CCDC191: variants seen among roughly 807,000 people sequenced by gnomAD.
CCDC191 encodes the protein coiled-coil domain-containing protein 191.
CCDC191 carries 99 observed loss-of-function variants against 114.0 expected under a neutral mutation model. The observed-to-expected ratio is 0.87, with a 90% CI of 0.74 to 1.03. The LOEUF (loss-of-function observed/expected upper bound fraction) is 1.03, where lower values mean the gene tolerates loss of function less well. Among genes scored for constraint, CCDC191 ranks in the 50% least tolerant of loss-of-function variants. CCDC191 has a pLI of 0.00. For missense variants in CCDC191, 973 were observed against 1,087.0 expected (o/e 0.90, Z 1.47); for synonymous variants, 351 against 376.0 (o/e 0.93, Z 0.77).
intron 9 of CCDC191, among the ~76,000 whole-genome samples, chr3:114,009,413 GCTT>G (rs2107677470): frequency 6.6e-6 from 1 of 152,030 alleles, no homozygotes. Flanking sequence ...TATTCCATAA[GCTT>G]TTTTTTCCTG....
chr3:114,000,838 G>A (rs1217166046), intron 13 of CCDC191, among the ~76,000 whole-genome samples: 1 of 151,434 alleles, frequency 6.6e-6, no homozygotes, highest in Non-Finnish European at 1.5e-5. Context: ...TTTTTTTATC[G>A]AGGCAGGGTC....
chr3:113,980,301 G>A (rs1039324881), intron 14 of CCDC191, among the ~76,000 whole-genome samples: 1 of 152,100 alleles, frequency 6.6e-6, no homozygotes, highest in Non-Finnish European at 1.5e-5. Flanking sequence ...TGATATTTGG[G>A]GGTTGTCTGT....
At chr3:114,030,847 A>G (rs1006205866) in intron 7 of CCDC191, among the ~76,000 whole-genome samples, 3 of 152,150 alleles carry the variant, frequency 2.0e-5, no homozygotes, top group African/African-American at 7.2e-5. Context: ...TCACGTATTT[A>G]TTCAATTAAC....
chr3:114,006,042 G>T, intron 9 of CCDC191, 80 bp from the exon 10 acceptor site: 1 of 1,300,890 alleles, frequency 7.7e-7, no homozygotes, highest in Non-Finnish European at 1.1e-6. Flanking sequence ...GGTCAGTATT[G>T]TTTTGTTTAA....
intron 13 of CCDC191, among the ~76,000 whole-genome samples, chr3:113,989,321 G>C (rs1476366921): frequency 3.3e-5 from 5 of 152,166 alleles, no homozygotes; most frequent in African/African-American, 9.7e-5. Flanking sequence ...GGCATTTCTA[G>C]AGCAGACCAA....
At chr3:114,012,282 A>T (rs182799269) in intron 8 of CCDC191, among the ~76,000 whole-genome samples, 376 of 152,220 alleles carry the variant, frequency 2.5e-3, no homozygotes, top group Middle Eastern at 6.8e-3. Context: ...ACCACAAGAG[A>T]TATACTCTGA....
intron 9 of CCDC191, among the ~76,000 whole-genome samples, chr3:114,006,536 A>G (rs2075962665): frequency 6.8e-6 from 1 of 147,902 alleles, no homozygotes; most frequent in South Asian, 2.1e-4. Context: ...ATCTTCTCTT[A>G]TAAATTTCTA....
chr3:114,000,421 T>C (rs1295317262), intron 13 of CCDC191, among the ~76,000 whole-genome samples: 2 of 152,204 alleles, frequency 1.3e-5, no homozygotes. Context: ...ACTGGGTTTC[T>C]TGGGTCTCCA....
chr3:114,027,682 T>C (rs918933363), intron 7 of CCDC191, among the ~76,000 whole-genome samples: 2 of 150,884 alleles, frequency 1.3e-5, no homozygotes, highest in African/African-American at 4.9e-5. Context: ...ACCTAAACTA[T>C]AGCAACTCCT....
intron 16 of CCDC191, among the ~76,000 whole-genome samples, chr3:113,973,535 C>A (rs1218592798): frequency 6.6e-6 from 1 of 151,184 alleles, no homozygotes; most frequent in Non-Finnish European, 1.5e-5. Context: ...CTGAGAAAAA[C>A]TTTCTCTATC....
At chr3:114,021,529 A>G (rs906531159) in intron 7 of CCDC191, among the ~76,000 whole-genome samples, 1 of 152,172 alleles carries the variant, frequency 6.6e-6, no homozygotes, top group Non-Finnish European at 1.5e-5. Context: ...ATCCAGGTAT[A>G]CAGGAGTCCC....
At chr3:114,038,406 A>G (rs2076516018) in intron 4 of CCDC191, among the ~76,000 whole-genome samples, 2 of 152,228 alleles carry the variant, frequency 1.3e-5, no homozygotes, top group South Asian at 4.1e-4. Context: ...ATGTCAGAGC[A>G]CAATGCATTA....
rs1940003423 is a variant in CCDC191 at position 113,965,296 on chromosome 3, T to C, written c.2670A>G (p.Arg890=). Residue 890 remains arginine, a synonymous_variant, in exon 17 of 17, where the codon AGA becomes AGG. Transcript: ENST00000295878. ...KKFVKFMKEE[R]VKEERRQQLR... ...GTTGCTGTCGCCTTTCTTCTTTTAC[T>C]CTTTCCTCTTTCATAAATTTTACAA... 2 of 1,611,682 alleles carry C rather than the reference T, an allele frequency of 1.2e-6. No homozygotes were observed. Among genetic ancestry groups the C allele is most frequent in the African/African-American group, 1.3e-5 (1 of 74,766 alleles).
chr3:114,017,257 C>G (rs1275220770), intron 8 of CCDC191, among the ~76,000 whole-genome samples: 1 of 152,198 alleles, frequency 6.6e-6, no homozygotes, highest in Non-Finnish European at 1.5e-5. Context: ...GTCTCCCCAT[C>G]TCTACCTAGG....
chr3:113,976,710 G>T (rs1385058594), intron 16 of CCDC191, among the ~76,000 whole-genome samples: 3 of 151,766 alleles, frequency 2.0e-5, no homozygotes, highest in African/African-American at 7.3e-5. Flanking sequence ...ATAGTACCCT[G>T]TTTAGTCTTC....
At chr3:114,028,513 C>CG (rs2076357942) in intron 7 of CCDC191, among the ~76,000 whole-genome samples, 1 of 151,912 alleles carries the variant, frequency 6.6e-6, no homozygotes, top group African/African-American at 2.4e-5. Context: ...TCTCGATCTC[C>CG]TGACCTCGTG....
At chr3:114,004,573 T>C (rs1250898560) in intron 11 of CCDC191, 64 bp downstream of exon 11, 4 of 1,571,606 alleles carry the variant, frequency 2.5e-6, no homozygotes, top group East Asian at 2.3e-5. Flanking sequence ...TCAGTCCCAG[T>C]GTACACATTC....
intron 1 of CCDC191, chr3:114,054,120 G>C (rs2076733938): frequency 6.6e-6 from 1 of 152,254 alleles, no homozygotes; most frequent in Admixed American, 6.5e-5. Flanking sequence ...CAGGGATCTT[G>C]TTTGGCCCAA....
chr3:113,989,804 A>G (rs2075496330), intron 13 of CCDC191, among the ~76,000 whole-genome samples: 1 of 152,068 alleles, frequency 6.6e-6, no homozygotes, highest in African/African-American at 2.4e-5. Context: ...TGGACAACAC[A>G]GTGAGACCCC....
Sources: allele counts gnomAD v4.1 joint callset (sites outside exome capture counted in the v4.1 genomes callset), GRCh38; gene constraint gnomAD v4.1.1; transcripts MANE v1.5; gene names NCBI Gene and HGNC (gene_info 2026-07-23, HGNC 2026-07-21).